Variants in PRKAR1A observed in about 807,000 individuals in gnomAD.
PRKAR1A encodes protein kinase cAMP-dependent type I regulatory subunit alpha, also known as cAMP-dependent protein kinase type I-alpha regulatory subunit.
Under a neutral mutation model 52.0 loss-of-function variants are expected in PRKAR1A, and 3 were observed. That is an observed-to-expected ratio of 0.06 (90% CI 0.03 to 0.15). The LOEUF (loss-of-function observed/expected upper bound fraction) is 0.15, where lower values mean the gene tolerates loss of function less well. PRKAR1A is among the 10% of genes least tolerant of loss of function. The probability of loss-of-function intolerance (pLI) is 1.00; values close to 1 mark genes in which losing one functional copy is unlikely to be tolerated. For synonymous variants in PRKAR1A, 188 were observed against 168.4 expected (o/e 1.12, Z -0.90); for missense variants, 240 against 477.4 (o/e 0.50, Z 4.63).
the PRKAR1A span, among the ~76,000 whole-genome samples, chr17:68,434,305 T>A: frequency 6.6e-6 from 1 of 152,334 alleles, no homozygotes; most frequent in African/African-American, 2.4e-5. Context: ...TCATTTCTCC[T>A]GTGCCGGCCG....
the PRKAR1A span, among the ~76,000 whole-genome samples, chr17:68,478,608 A>ATGTGTGTG: frequency 4.6e-4 from 69 of 151,106 alleles, no homozygotes; most frequent in South Asian, 4.8e-3. Context: ...ATTTAGAAAT[A>ATGTGTGTG]TGTGTGTGTG....
At chr17:68,428,732 T>A in the PRKAR1A span, 3 of 928,260 alleles carry the variant, frequency 3.2e-6, no homozygotes, top group Admixed American at 6.3e-5. Context: ...GAAGAACAAA[T>A]CAATGCAAGG....
At position 68,543,674 on chromosome 17, in the gene PRKAR1A, T is replaced by G; in HGVS notation, c.974-7410T>G. On this transcript the variant is annotated intron_variant, in intron 11 of 11. Transcript: ENST00000585981. ...GATCTCAGCATTGTGTCTCTGAAAG[T>G]CAATGAAGTAGAAGAAGTCCACTGG... The G allele has an allele frequency of 3.1e-6, 5 of 1,614,070 alleles. No homozygotes were observed. The highest frequency in any genetic ancestry group is 4.2e-6 in the Non-Finnish European group (5 of 1,180,014).
upstream of PRKAR1A, chr17:68,512,007 T>G (rs1407401717): frequency 1.3e-5 from 2 of 151,500 alleles, no homozygotes; most frequent in East Asian, 3.9e-4. Flanking sequence ...GGCAGAGGCG[T>G]CAAGGGAGGC....
chr17:68,417,668 A>G, the PRKAR1A span, among the ~76,000 whole-genome samples: 1 of 146,288 alleles, frequency 6.8e-6, no homozygotes, highest in African/African-American at 2.5e-5. Context: ...CTGTCTCTCT[A>G]ATTTTGGGGG....
chr17:68,457,045 C>T, the PRKAR1A span, among the ~76,000 whole-genome samples: 1 of 152,178 alleles, frequency 6.6e-6, no homozygotes, highest in Non-Finnish European at 1.5e-5. Flanking sequence ...CCGCCCTGCT[C>T]CCCCCATATT....
the PRKAR1A span, chr17:68,451,013 C>T: frequency 3.3e-5 from 46 of 1,375,886 alleles, no homozygotes; most frequent in Non-Finnish European, 4.1e-5. Context: ...CGGGTCTTGC[C>T]GGCCAGGCGC....
At chr17:68,533,441 G>T, downstream of PRKAR1A, 1 of 1,049,800 alleles carries the variant, frequency 9.5e-7, no homozygotes, top group Non-Finnish European at 1.2e-6. Context: ...ATTTCTCTGG[G>T]TTGACAGTCC....
intron 2 of PRKAR1A, among the ~76,000 whole-genome samples, chr17:68,518,383 A>G (rs1000726174): frequency 2.6e-5 from 4 of 152,230 alleles, no homozygotes; most frequent in African/African-American, 9.6e-5. Flanking sequence ...GCATCCAGGC[A>G]TTTCTGTACA....
chr17:68,424,171 G>A, the PRKAR1A span, among the ~76,000 whole-genome samples: 1 of 152,202 alleles, frequency 6.6e-6, no homozygotes, highest in Admixed American at 6.5e-5. Context: ...AGGTTTTGAA[G>A]TTTATAATTA....
intron 11 of PRKAR1A, chr17:68,540,979 T>C (rs779836567): frequency 6.4e-7 from 1 of 1,564,306 alleles, no homozygotes; most frequent in South Asian, 1.2e-5. Flanking sequence ...GAAGAAGTCC[T>C]GGGGCTGGAA....
chr17:68,505,462 CAT>C, the PRKAR1A span, among the ~76,000 whole-genome samples: 2 of 152,136 alleles, frequency 1.3e-5, no homozygotes, highest in African/African-American at 2.4e-5. Flanking sequence ...TATCAAAACT[CAT>C]AGAATATACA....
downstream of PRKAR1A, chr17:68,536,326 A>C (rs990244477): frequency 6.6e-6 from 3 of 453,944 alleles, no homozygotes; most frequent in Non-Finnish European, 1.3e-5. Flanking sequence ...TTGACTGACT[A>C]GTCACTCCAT....
the PRKAR1A span, chr17:68,436,385 G>C: frequency 6.4e-5 from 103 of 1,613,752 alleles, no homozygotes; most frequent in East Asian, 2.2e-3. Context: ...AACTTACCAG[G>C]GAGTTTCCAT....
chr17:68,426,747 C>T, the PRKAR1A span, among the ~76,000 whole-genome samples: 1 of 152,174 alleles, frequency 6.6e-6, no homozygotes, highest in Non-Finnish European at 1.5e-5. Context: ...GTTGGCTAGG[C>T]TGGTCTCAAA....
intron 11 of PRKAR1A, chr17:68,541,042 C>T (rs531666019): frequency 1.9e-6 from 3 of 1,542,042 alleles, no homozygotes; most frequent in Non-Finnish European, 2.6e-6. Context: ...CCTGCCCCCC[C>T]AATCCCTGCC....
At chr17:68,486,018 C>T in the PRKAR1A span, among the ~76,000 whole-genome samples, 132 of 152,260 alleles carry the variant, frequency 8.7e-4, no homozygotes, top group Middle Eastern at 6.8e-3. Context: ...AGATTACAGG[C>T]GTGAGCCATC....
At chr17:68,495,675 A>G in the PRKAR1A span, among the ~76,000 whole-genome samples, 1 of 151,970 alleles carries the variant, frequency 6.6e-6, no homozygotes, top group Non-Finnish European at 1.5e-5. Flanking sequence ...TCTCATGTCT[A>G]TTTCTTCTAC....
At chr17:68,550,160 A>G (rs1307593886) in intron 11 of PRKAR1A, among the ~76,000 whole-genome samples, 2 of 152,150 alleles carry the variant, frequency 1.3e-5, no homozygotes, top group Admixed American at 1.3e-4. Flanking sequence ...TGATGATGAC[A>G]ACCAATTCCC....
Sources: allele counts gnomAD v4.1 joint callset (sites outside exome capture counted in the v4.1 genomes callset), GRCh38; gene constraint gnomAD v4.1.1; transcripts MANE v1.5; gene names NCBI Gene and HGNC (gene_info 2026-07-23, HGNC 2026-07-21).